The following TRAPPC13 variants were observed in gnomAD, a reference collection of about 807,000 sequenced individuals.
The protein encoded by TRAPPC13 is trafficking protein particle complex subunit 13.
TRAPPC13 carries 39 observed loss-of-function variants against 54.0 expected under a neutral mutation model. The observed-to-expected ratio is 0.72, with a 90% CI of 0.56 to 0.94. TRAPPC13 has a LOEUF of 0.94. Ranked by LOEUF, TRAPPC13 falls within the 40% of genes least tolerant of loss-of-function variation. The probability of loss-of-function intolerance (pLI) is 0.00; values close to 1 mark genes in which losing one functional copy is unlikely to be tolerated. For missense variants in TRAPPC13, 386 were observed against 488.1 expected (o/e 0.79, Z 1.97); for synonymous variants, 148 against 167.7 (o/e 0.88, Z 0.91).
Position 65,658,492 on chromosome 5 carries a change from C to G in TRAPPC13, c.689C>G (p.Ala230Gly). ...NVTELNSVSQ[A>G]GECVSTFGSR... ...ACAGAATTAAATTCAGTCAGCCAAG[C>G]TGGAGAATGGTAAATATTAATTTAT... The change falls in exon 9 of 13, where the codon GCT (alanine) becomes GGT (glycine). Residue 230 changes from alanine (A) to glycine (G), a missense_variant. Physicochemically the swap from Ala to Gly is moderately conservative, Grantham distance 60. Transcript: ENST00000399438. The G allele has an allele frequency of 1.9e-6, 3 of 1,564,280 alleles. No individual in the cohort carries two copies. The highest frequency in any genetic ancestry group is 2.6e-6 in the Non-Finnish European group (3 of 1,153,050).
intron 1 of TRAPPC13, chr5:65,629,654 G>C: frequency 6.5e-7 from 1 of 1,535,986 alleles, no homozygotes; most frequent in Non-Finnish European, 8.7e-7. Context: ...GCCAAAAATT[G>C]CAGAAAAAGC....
At chr5:65,661,802 C>T (rs1756860439) in intron 10 of TRAPPC13, 1 of 327,620 alleles carries the variant, frequency 3.1e-6, no homozygotes, top group Non-Finnish European at 5.5e-6. Context: ...CTGTGAGATT[C>T]ATCTTAACTC....
intron 1 of TRAPPC13, 134 bp from the exon 2 acceptor site, chr5:65,635,167 A>G: frequency 1.3e-6 from 1 of 762,262 alleles, no homozygotes; most frequent in Non-Finnish European, 2.0e-6. Context: ...GGAAGTATGT[A>G]GTATTATATT....
intron 3 of TRAPPC13, 64 bp downstream of exon 3, chr5:65,636,107 G>T: frequency 1.6e-5 from 16 of 1,001,228 alleles, no homozygotes; most frequent in Non-Finnish European, 1.9e-5. Context: ...TTTCAAAACA[G>T]AACCATGGGA....
At chr5:65,653,994 G>T (rs1217848777) in intron 7 of TRAPPC13, among the ~76,000 whole-genome samples, 1 of 152,058 alleles carries the variant, frequency 6.6e-6, no homozygotes, top group Non-Finnish European at 1.5e-5. Flanking sequence ...TAACTATTCT[G>T]TTAGAAAATT....
In TRAPPC13 at chr5:65,637,626, G is replaced by C. The variant is rs1291382895; in HGVS notation, c.216-70G>C. The C allele has an allele frequency of 7.7e-6, 6 of 778,960 alleles. No individual in the cohort carries two copies. The African/African-American group carries it at 1.1e-4, about 14-fold the overall frequency. The allele number at this position is 778,960 out of a possible 1,614,324, so 48.3% of individuals were successfully genotyped here. On this transcript the variant is annotated intron_variant, in intron 3 of 12. Transcript: ENST00000399438. ...AGCCTGGGTGACAGAGCGAGACTCT[G>C]TCTCAAAAAAAAAAAAAAAGAAAAA... is the stretch of plus-strand genomic sequence containing the variant.
chr5:65,657,096 C>T (rs1756685173), intron 8 of TRAPPC13, among the ~76,000 whole-genome samples: 1 of 150,918 alleles, frequency 6.6e-6, no homozygotes, highest in African/African-American at 2.4e-5. Context: ...GGGGGAAGCT[C>T]ATAGGCCAGG....
chr5:65,633,932 A>AT (rs140435756), intron 1 of TRAPPC13, among the ~76,000 whole-genome samples: 36,626 of 102,298 alleles, frequency 0.36, 5,349 homozygotes, highest in South Asian at 0.43. Flanking sequence ...CCTTTAATTG[A>AT]TTTTTTTTTG....
chr5:65,638,702 G>A (rs372397513), intron 4 of TRAPPC13, among the ~76,000 whole-genome samples: 57 of 152,304 alleles, frequency 3.7e-4, no homozygotes, highest in African/African-American at 8.2e-4. Context: ...CAATCATGGC[G>A]GAAGGCAAGG....
At chr5:65,655,601 AT>A in intron 7 of TRAPPC13, 34 bp from the exon 8 acceptor site, 1 of 737,670 alleles carries the variant, frequency 1.4e-6, no homozygotes, top group Non-Finnish European at 1.9e-6. Flanking sequence ...TTTAACTCTG[AT>A]TTTTCTAATT....
At chr5:65,628,496 G>A (rs1384704692) in intron 1 of TRAPPC13, among the ~76,000 whole-genome samples, 1 of 144,710 alleles carries the variant, frequency 6.9e-6, no homozygotes, top group Non-Finnish European at 1.5e-5. Flanking sequence ...GTCTTGCCCT[G>A]TCACCCAGGC....
At chr5:65,652,807 C>A in intron 7 of TRAPPC13, 1 of 457,420 alleles carries the variant, frequency 2.2e-6, no homozygotes, top group Non-Finnish European at 4.0e-6. Flanking sequence ...AAATGATTGC[C>A]CTCTCATTCC....
At chr5:65,633,985 T>A (rs1311170058) in intron 1 of TRAPPC13, among the ~76,000 whole-genome samples, 2 of 134,012 alleles carry the variant, frequency 1.5e-5, no homozygotes, top group African/African-American at 5.6e-5. Context: ...GCGTTTTTTT[T>A]TTTTTTTTTT....
chr5:65,641,467 A>G (rs201754750), intron 4 of TRAPPC13, among the ~76,000 whole-genome samples: 3 of 152,024 alleles, frequency 2.0e-5, no homozygotes, highest in African/African-American at 7.2e-5. Flanking sequence ...ACTTTGGGAG[A>G]CCAAGGCAGG....
At chr5:65,641,870 T>G (rs943933394) in intron 4 of TRAPPC13, among the ~76,000 whole-genome samples, 1 of 151,848 alleles carries the variant, frequency 6.6e-6, no homozygotes, top group Non-Finnish European at 1.5e-5. Context: ...ATAACACTTT[T>G]TCTTTTTTTT....
intron 8 of TRAPPC13, among the ~76,000 whole-genome samples, chr5:65,656,391 G>A (rs1325551794): frequency 6.6e-6 from 1 of 151,960 alleles, no homozygotes; most frequent in Non-Finnish European, 1.5e-5. Context: ...TTTTTTAAAA[G>A]CAATGGATTG....
At chr5:65,651,668 T>G (rs1756448113) in intron 6 of TRAPPC13, among the ~76,000 whole-genome samples, 1 of 149,826 alleles carries the variant, frequency 6.7e-6, no homozygotes, top group Non-Finnish European at 1.5e-5. Context: ...TGAGGAAATG[T>G]GAATACCACG....
intron 4 of TRAPPC13, among the ~76,000 whole-genome samples, chr5:65,646,141 A>G (rs1756198984): frequency 6.6e-6 from 1 of 151,572 alleles, no homozygotes; most frequent in Non-Finnish European, 1.5e-5. Flanking sequence ...AAATGTTACA[A>G]AGGAAGCAAA....
intron 2 of TRAPPC13, 22 bp downstream of exon 2, chr5:65,635,391 A>C (rs368893091): frequency 6.3e-7 from 1 of 1,595,824 alleles, no homozygotes; most frequent in African/African-American, 1.3e-5. Flanking sequence ...GCTTTCCTCT[A>C]TTTGCACCTA....
Sources: allele counts gnomAD v4.1 joint callset (sites outside exome capture counted in the v4.1 genomes callset), GRCh38; gene constraint gnomAD v4.1.1; transcripts MANE v1.5; gene names NCBI Gene and HGNC (gene_info 2026-07-23, HGNC 2026-07-21).